The following SUGP2 variants were observed in gnomAD, a reference collection of about 807,000 sequenced individuals.
SUGP2 encodes SURP and G-patch domain-containing protein 2.
In SUGP2, 24 loss-of-function variants were observed where a neutral mutation model predicts 90.5. The ratio of observed to expected loss-of-function variants is 0.27; its 90% CI spans 0.19 to 0.37. The LOEUF (loss-of-function observed/expected upper bound fraction) is 0.37. SUGP2 is among the 10% of genes least tolerant of loss of function. The probability of loss-of-function intolerance (pLI) is 1.00; values close to 1 mark genes in which losing one functional copy is unlikely to be tolerated. For synonymous variants in SUGP2, 473 were observed against 513.4 expected (o/e 0.92, Z 1.06); for missense variants, 1,233 against 1,363.3 (o/e 0.90, Z 1.51).
intron 4 of SUGP2, among the ~76,000 whole-genome samples, chr19:19,015,314 A>T (rs192787833): frequency 6.6e-6 from 1 of 152,344 alleles, no homozygotes; most frequent in South Asian, 2.1e-4. Context: ...TGGAACATGG[A>T]AACAGGTCAC....
chr19:19,001,244 T>C (rs1259474256), intron 8 of SUGP2, among the ~76,000 whole-genome samples: 1 of 152,130 alleles, frequency 6.6e-6, no homozygotes, highest in African/African-American at 2.4e-5. Context: ...CTCGATCTCC[T>C]GACCTTGTGA....
At position 18,992,684 on chromosome 19, in the gene SUGP2, T is replaced by G. The variant is rs1232873363; in HGVS notation, c.*1057A>C. The G allele has an allele frequency of 6.6e-6, 1 of 152,160 alleles. No homozygotes were observed. The highest frequency in any genetic ancestry group is 6.6e-5 in the Admixed American group (1 of 15,266). The allele number at this position is 152,160 out of a possible 1,614,324, so 9.4% of individuals were successfully genotyped here. On this transcript the variant is annotated 3_prime_UTR_variant, in exon 11 of 11. Coordinates refer to ENST00000452918, the MANE Select transcript of SUGP2 (RefSeq NM_001017392.5). The stretch of plus-strand genomic sequence containing the variant: ...AGGATTTCTTTACAGCCAATACAAG[T>G]GGCATTTCCCGCTCAGTTCTGTGGC...
At chr19:19,008,262 G>A in intron 6 of SUGP2, 55 bp downstream of exon 6, 2 of 1,406,112 alleles carry the variant, frequency 1.4e-6, no homozygotes, top group South Asian at 2.3e-5. Context: ...AACATCCTTA[G>A]ACTTTGTCTC....
intron 3 of SUGP2, among the ~76,000 whole-genome samples, chr19:19,022,119 G>A (rs2058750899): frequency 6.6e-6 from 1 of 152,016 alleles, no homozygotes; most frequent in Admixed American, 6.6e-5. Context: ...CGAGTAGCTG[G>A]GACTACAGGC....
rs771931709 is a variant in SUGP2, at chr19:19,019,170, C to T, written c.1789G>A (p.Val597Ile). 6 of 1,614,156 alleles carry T rather than the reference C, an allele frequency of 3.7e-6. No homozygotes were observed. In the South Asian group the frequency reaches 5.5e-5, roughly 15 times the overall value. Residue 597 changes from valine (V) to isoleucine (I), a missense_variant, in exon 4 of 11, where the codon GTC becomes ATC. Physicochemically the swap from Val to Ile is conservative, Grantham distance 29. This residue lies in a region of SUGP2 where 540 missense variants were observed against 542.6 expected (regional missense o/e 1.00). Coordinates refer to ENST00000452918, the MANE Select transcript of SUGP2 (RefSeq NM_001017392.5). ...TTGGGAGACAGGCTGCCTTCGATGA[C>T]ACGTTTCACAAGCTGGTCGATGGTG... is the stretch of plus-strand genomic sequence containing the variant. ...VGTIDQLVKR[V>I]IEGSLSPKER...
At chr19:18,999,221 G>A (rs2057734489) in intron 8 of SUGP2, among the ~76,000 whole-genome samples, 1 of 152,138 alleles carries the variant, frequency 6.6e-6, no homozygotes, top group African/African-American at 2.4e-5. Flanking sequence ...TGGGCGAGGT[G>A]GAGGTTTGCA....
chr19:19,015,189 G>A (rs1226143538), intron 4 of SUGP2, among the ~76,000 whole-genome samples: 1 of 147,946 alleles, frequency 6.8e-6, no homozygotes, highest in Non-Finnish European at 1.5e-5. Context: ...GGGACAGAGC[G>A]AGACTCTGTC....
chr19:19,017,951 A>C (rs1366593981), intron 4 of SUGP2, among the ~76,000 whole-genome samples: 1 of 145,474 alleles, frequency 6.9e-6, no homozygotes, highest in Non-Finnish European at 1.5e-5. Flanking sequence ...TTTTAAGAGA[A>C]ATGGTGTCTC....
chr19:19,002,002 T>G (rs551361656), intron 7 of SUGP2, among the ~76,000 whole-genome samples: 1 of 152,228 alleles, frequency 6.6e-6, no homozygotes, highest in Non-Finnish European at 1.5e-5. Context: ...TTATTTTCCA[T>G]GACTACAGAA....
rs201258689 is a variant in SUGP2, at chr19:19,008,334, G to A, written c.2433C>T (p.Thr811=). The A allele has an allele frequency of 2.2e-5, 36 of 1,613,974 alleles. No individual in the cohort carries two copies. Among genetic ancestry groups the A allele is most frequent in the African/African-American group, 5.3e-5 (4 of 75,010 alleles). Residue 811 remains threonine (T), a synonymous_variant, in exon 6 of 11, where the codon ACC becomes ACT. Coordinates refer to ENST00000452918, the MANE Select transcript of SUGP2 (RefSeq NM_001017392.5). ...EIEQFSIENS[T]DNPDLWFLHD... is the part of the protein sequence containing the mutation. ...GTACGTACCACAGGTCAGGGTTATCGGTGCTGTTTTCTATGCTGAATTGTT... is the reference window on the plus strand; with the variant it reads ...GTACGTACCACAGGTCAGGGTTATCAGTGCTGTTTTCTATGCTGAATTGTT...
In SUGP2 at chr19:19,009,482, G is replaced by A. The variant is rs187177641; in HGVS notation, c.2338+373C>T. 3.3e-5 allele frequency among the ~76,000 whole-genome samples: 5 copies of A among 152,140 alleles called. No individual in the cohort carries two copies. In the East Asian group the frequency reaches 9.7e-4, roughly 30 times the overall value. The stretch of plus-strand genomic sequence containing the variant: ...GTGGAGACCCTGGGGATGAGGAGGC[G>A]CAATGAGAACAAGGCAGTCCCGAAG... On this transcript the variant is annotated intron_variant, in intron 5 of 10. Coordinates refer to ENST00000452918, the MANE Select transcript of SUGP2 (RefSeq NM_001017392.5).
At chr19:19,018,962 A>T in intron 4 of SUGP2, 147 bp downstream of exon 4, 1 of 924,616 alleles carries the variant, frequency 1.1e-6, no homozygotes, top group Non-Finnish European at 1.6e-6. Flanking sequence ...GAACCCACAT[A>T]AATCTGAGCC....
chr19:19,029,800 G>A (rs1014993236), intron 2 of SUGP2, among the ~76,000 whole-genome samples: 7 of 151,932 alleles, frequency 4.6e-5, no homozygotes, highest in African/African-American at 7.2e-5. Context: ...AAAATTAGCC[G>A]GGCATGGTGG....
rs764736341 is a variant in SUGP2, at chr19:18,994,500, AAG to A, written c.3129-16_3129-15del. The A allele has an allele frequency of 1.3e-5, 21 of 1,613,316 alleles. No homozygotes were observed. The highest frequency in any genetic ancestry group is 1.7e-4 in the Middle Eastern group (1 of 6,056). On this transcript the variant is annotated splice_polypyrimidine_tract_variant and intron_variant, in intron 9 of 10. Coordinates refer to ENST00000452918, the MANE Select transcript of SUGP2 (RefSeq NM_001017392.5). ...GAGGGGGTTCCCCTAGGGAGTGAAA[AAG>A]AGAGTCAGTTGTGCACCTGAGCCCA...
rs1382761882 is a variant in SUGP2, at chr19:18,994,429, GTCT to G, written c.3183_3185del (p.Glu1061del). 1 of 1,614,230 alleles carries G rather than the reference GTCT, an allele frequency of 6.2e-7. No homozygotes were observed. Among genetic ancestry groups the G allele is most frequent in the Non-Finnish European group, 8.5e-7 (1 of 1,180,036 alleles). On this transcript the variant is annotated inframe_deletion, in exon 10 of 11. Transcript: ENST00000452918. ...TCCTCTGTCGGAACACATCGAATGT[GTCT>G]TCTTTGTGCTCCTGCCCGTCAGCAC...
chr19:19,017,161 G>A (rs1357675962), intron 4 of SUGP2, among the ~76,000 whole-genome samples: 1 of 152,150 alleles, frequency 6.6e-6, no homozygotes, highest in African/African-American at 2.4e-5. Context: ...TTGCAGCCTG[G>A]GCAACAGAGT....
chr19:18,995,364 CTCACCCCCA>C (rs1229968660), intron 8 of SUGP2, 84 bp from the exon 9 acceptor site: 14 of 1,440,078 alleles, frequency 9.7e-6, no homozygotes, highest in Non-Finnish European at 1.3e-5. Context: ...CCTGGAGCCC[CTCACCCCCA>C]AATGCCCTCC....
intron 6 of SUGP2, among the ~76,000 whole-genome samples, chr19:19,006,737 G>A (rs1037130676): frequency 7.2e-5 from 11 of 152,150 alleles, no homozygotes; most frequent in African/African-American, 2.7e-4. Context: ...GCTCCCCAAG[G>A]CCACTACTGC....
chr19:18,995,281 C>T lies in SUGP2; in HGVS notation c.2992-1G>A. The T allele has an allele frequency of 6.2e-7, 1 of 1,603,772 alleles. No individual in the cohort carries two copies. Among genetic ancestry groups the T allele is most frequent in the Non-Finnish European group, 8.5e-7 (1 of 1,175,154 alleles). On this transcript the variant is annotated splice_acceptor_variant, in intron 8 of 10. Transcript: ENST00000452918. LOFTEE classifies it high-confidence loss of function. ...GGGCGAAGTCCAAGTCCTTGGGTTT[C>T]TGAGGAGAGAGGAGAGTCCAGGCAT...
Sources: allele counts gnomAD v4.1 joint callset (sites outside exome capture counted in the v4.1 genomes callset), GRCh38; gene constraint gnomAD v4.1.1; regional missense constraint gnomAD v4.1.1; transcripts MANE v1.5; gene names NCBI Gene and HGNC (gene_info 2026-07-23, HGNC 2026-07-21).